Variants in PTPRN2 observed in about 807,000 individuals in gnomAD.
PTPRN2 encodes the protein receptor-type tyrosine-protein phosphatase N2.
PTPRN2 carries 74 observed loss-of-function variants against 118.8 expected under a neutral mutation model. That is an observed-to-expected ratio of 0.62 (90% CI 0.52 to 0.76). PTPRN2 has a LOEUF of 0.76. Among genes scored for constraint, PTPRN2 ranks in the 30% least tolerant of loss-of-function variants. The probability of loss-of-function intolerance (pLI) is 0.00; values close to 1 mark genes in which losing one functional copy is unlikely to be tolerated. For synonymous variants in PTPRN2, 641 were observed against 608.0 expected (o/e 1.05, Z -0.80); for missense variants, 1,481 against 1,394.4 (o/e 1.06, Z -0.99).
intron 11 of PTPRN2, among the ~76,000 whole-genome samples, chr7:158,054,165 A>G (rs1377178818): frequency 6.6e-6 from 1 of 152,162 alleles, no homozygotes; most frequent in Admixed American, 6.5e-5. Context: ...AGTCACTGAC[A>G]CACAGGTTTC....
chr7:158,158,088 C>A (rs1585678296), intron 6 of PTPRN2, among the ~76,000 whole-genome samples: 1 of 151,864 alleles, frequency 6.6e-6, no homozygotes, highest in Admixed American at 6.6e-5. Context: ...AAGAGGCGTG[C>A]TTGGGTTTAG....
intron 17 of PTPRN2, among the ~76,000 whole-genome samples, chr7:157,580,866 C>CCCTGCACACCCCAGCA (rs869299301): frequency 1.4e-5 from 1 of 73,268 alleles, no homozygotes; most frequent in African/African-American, 5.1e-5. Context: ...ACACCCCAGC[C>CCCTGCACACCCCAGCA]CCTGCACACC....
intron 1 of PTPRN2, among the ~76,000 whole-genome samples, chr7:158,568,378 C>T (rs748423308): frequency 3.9e-5 from 6 of 151,908 alleles, no homozygotes; most frequent in East Asian, 1.9e-4. Context: ...CACAATATAG[C>T]GAAGCCAAAC....
intron 2 of PTPRN2, among the ~76,000 whole-genome samples, chr7:158,443,456 T>A (rs1173923562): frequency 6.6e-6 from 1 of 152,062 alleles, no homozygotes; most frequent in Non-Finnish European, 1.5e-5. Flanking sequence ...TCTGTAAGAG[T>A]TGGGGGCTGC....
At position 158,321,331 on chromosome 7, in the gene PTPRN2, G is replaced by A. The variant is rs186662395; in HGVS notation, c.164-4399C>T. On this transcript the variant is annotated intron_variant, in intron 2 of 22. Transcript: ENST00000389418. ...CCTCCTCTGCGGGACTCCTGCCTTC[G>A]TGTTCTTGGGACACAGCCAGGACCC... Among the ~76,000 whole-genome samples, 7 of 152,278 alleles carry A rather than the reference G, an allele frequency of 4.6e-5. 1 individual carries two copies. The highest frequency in any genetic ancestry group is 8.8e-5 in the Non-Finnish European group (6 of 68,020).
At chr7:158,305,765 G>A (rs1438257088) in intron 3 of PTPRN2, among the ~76,000 whole-genome samples, 5 of 149,966 alleles carry the variant, frequency 3.3e-5, no homozygotes, top group African/African-American at 7.4e-5. Context: ...ATTAACTAAA[G>A]GCTAGCAGAA....
At chr7:158,074,773 G>A (rs117971155) in intron 11 of PTPRN2, among the ~76,000 whole-genome samples, 4,162 of 152,266 alleles carry the variant, frequency 0.027, 120 homozygotes, top group Admixed American at 0.078. Context: ...GCAGTGAGTC[G>A]GAGGGGACAA....
intron 3 of PTPRN2, among the ~76,000 whole-genome samples, chr7:158,211,624 A>G (rs1827608910): frequency 6.6e-6 from 1 of 152,232 alleles, no homozygotes. Flanking sequence ...GGTGCTCAAC[A>G]TCACTGATCA....
At chr7:158,040,356 T>C (rs12698133) in intron 11 of PTPRN2, among the ~76,000 whole-genome samples, 76,376 of 151,670 alleles carry the variant, frequency 0.5, 19,850 homozygotes, top group Non-Finnish European at 0.56. Flanking sequence ...CACATGCATA[T>C]ACACATGCAC....
intron 5 of PTPRN2, among the ~76,000 whole-genome samples, chr7:158,170,517 T>C (rs756381999): frequency 6.6e-6 from 1 of 152,266 alleles, no homozygotes. Context: ...TTTTGGTTTA[T>C]GTTCTGAATC....
At chr7:158,380,090 C>T (rs1327654471) in intron 2 of PTPRN2, among the ~76,000 whole-genome samples, 2 of 152,162 alleles carry the variant, frequency 1.3e-5, no homozygotes, top group African/African-American at 2.4e-5. Flanking sequence ...AGCTGCAATT[C>T]AAGATCAGAT....
chr7:157,542,030 C>A (rs1336919597), intron 22 of PTPRN2, among the ~76,000 whole-genome samples: 1 of 152,176 alleles, frequency 6.6e-6, no homozygotes, highest in Non-Finnish European at 1.5e-5. Context: ...CAGGGTGGGA[C>A]CCGGGGAGAT....
intron 3 of PTPRN2, among the ~76,000 whole-genome samples, chr7:158,248,132 C>T (rs939722313): frequency 1.3e-5 from 2 of 152,194 alleles, no homozygotes; most frequent in African/African-American, 4.8e-5. Flanking sequence ...AATCCTAAAG[C>T]TGGGGCTTTG....
At chr7:158,421,602 C>T (rs2129423052) in intron 2 of PTPRN2, among the ~76,000 whole-genome samples, 1 of 152,282 alleles carries the variant, frequency 6.6e-6, no homozygotes, top group Admixed American at 6.5e-5. Context: ...GCTTTTAGGA[C>T]AGCTGGGTAA....
At chr7:158,586,607 A>G (rs960580299) in intron 1 of PTPRN2, among the ~76,000 whole-genome samples, 2 of 152,226 alleles carry the variant, frequency 1.3e-5, no homozygotes, top group Non-Finnish European at 2.9e-5. Flanking sequence ...GGTGCCGGGG[A>G]CTGGAGGTTT....
At chr7:158,366,026 C>T (rs1416242017) in intron 2 of PTPRN2, among the ~76,000 whole-genome samples, 1 of 146,530 alleles carries the variant, frequency 6.8e-6, no homozygotes, top group Non-Finnish European at 1.5e-5. Context: ...TGTGCAAATA[C>T]ACACACACAC....
At chr7:158,028,119 G>A (rs1303593818) in intron 11 of PTPRN2, 1 of 152,196 alleles carries the variant, frequency 6.6e-6, no homozygotes, top group African/African-American at 2.4e-5. Flanking sequence ...ACAAGAATCA[G>A]GGCCCAAGCT....
At chr7:158,027,120 C>T (rs1452953398) in intron 11 of PTPRN2, among the ~76,000 whole-genome samples, 1 of 152,200 alleles carries the variant, frequency 6.6e-6, no homozygotes, top group Admixed American at 6.5e-5. Flanking sequence ...ACCCCAGCCC[C>T]AGGCAGAGCC....
intron 11 of PTPRN2, among the ~76,000 whole-genome samples, chr7:157,938,301 A>G (rs925798137): frequency 2.0e-5 from 3 of 152,232 alleles, no homozygotes; most frequent in Non-Finnish European, 4.4e-5. Flanking sequence ...ATCGCACAGG[A>G]GCGTCAGCCA....
Sources: allele counts gnomAD v4.1 joint callset (sites outside exome capture counted in the v4.1 genomes callset), GRCh38; gene constraint gnomAD v4.1.1; transcripts MANE v1.5; gene names NCBI Gene and HGNC (gene_info 2026-07-23, HGNC 2026-07-21).